The following CHST9 variants were observed in gnomAD, a reference collection of about 807,000 sequenced individuals.
The protein encoded by CHST9 is GalNAc-4-sulfotransferase 2.
A neutral mutation model predicts 44.4 loss-of-function variants in CHST9; 41 were observed. The ratio of observed to expected loss-of-function variants is 0.92; its 90% CI spans 0.72 to 1.20. The LOEUF (loss-of-function observed/expected upper bound fraction) is 1.20. Among genes scored for constraint, CHST9 ranks in the 50% most tolerant of loss-of-function variants. The pLI, the probability that CHST9 is intolerant of heterozygous loss-of-function variation, is 0.00. For synonymous variants in CHST9, 171 were observed against 178.4 expected (o/e 0.96, Z 0.33); for missense variants, 504 against 516.5 (o/e 0.98, Z 0.23).
intron 4 of CHST9, among the ~76,000 whole-genome samples, chr18:26,953,509 ATTGGTGGG>A (rs1484631953): frequency 1.3e-5 from 2 of 152,174 alleles, no homozygotes; most frequent in African/African-American, 4.8e-5. Flanking sequence ...TCTAGGAGGC[ATTGGTGGG>A]TTGCACAAAG....
chr18:26,943,042 A>G (rs1436988800), intron 5 of CHST9, among the ~76,000 whole-genome samples: 3 of 152,168 alleles, frequency 2.0e-5, no homozygotes, highest in Non-Finnish European at 4.4e-5. Flanking sequence ...TGGGAGGCGG[A>G]GGTTGCAGTG....
At chr18:26,928,592 G>T (rs1180215040) in intron 5 of CHST9, among the ~76,000 whole-genome samples, 3 of 152,206 alleles carry the variant, frequency 2.0e-5, no homozygotes, top group Non-Finnish European at 4.4e-5. Context: ...GGAAACACTG[G>T]CAGGAGAGTA....
intron 2 of CHST9, among the ~76,000 whole-genome samples, chr18:27,059,809 T>C (rs557795344): frequency 6.6e-6 from 1 of 152,240 alleles, no homozygotes; most frequent in East Asian, 1.9e-4. Flanking sequence ...CTTGAAAATA[T>C]CCTCTTCACA....
At chr18:26,940,655 G>C (rs951596223) in intron 5 of CHST9, among the ~76,000 whole-genome samples, 4 of 152,142 alleles carry the variant, frequency 2.6e-5, no homozygotes, top group South Asian at 2.1e-4. Context: ...GTCAACAGGA[G>C]ATCCCATCAG....
chr18:27,115,517 T>C (rs1477221418), intron 2 of CHST9, among the ~76,000 whole-genome samples: 2 of 152,134 alleles, frequency 1.3e-5, no homozygotes, highest in East Asian at 3.9e-4. Flanking sequence ...TTTGGCATAC[T>C]TGTTATCTTG....
intron 5 of CHST9, among the ~76,000 whole-genome samples, chr18:26,941,495 CA>C (rs1478739762): frequency 6.6e-6 from 1 of 151,508 alleles, no homozygotes; most frequent in Non-Finnish European, 1.5e-5. Flanking sequence ...ATTTCGAAAG[CA>C]TTTTTGGTAA....
At chr18:27,156,369 T>A (rs576486738) in intron 1 of CHST9, among the ~76,000 whole-genome samples, 1 of 152,172 alleles carries the variant, frequency 6.6e-6, no homozygotes, top group East Asian at 1.9e-4. Flanking sequence ...AATAAGGTAT[T>A]TTGGGTACTA....
At chr18:26,976,473 A>C (rs1395736602) in intron 4 of CHST9, among the ~76,000 whole-genome samples, 1 of 152,158 alleles carries the variant, frequency 6.6e-6, no homozygotes, top group Non-Finnish European at 1.5e-5. Context: ...CACTCAGTCC[A>C]GAGTCCTTTC....
At chr18:27,093,926 G>C (rs932599292) in intron 2 of CHST9, among the ~76,000 whole-genome samples, 3 of 150,764 alleles carry the variant, frequency 2.0e-5, no homozygotes, top group Admixed American at 6.6e-5. Context: ...AGAGATGATT[G>C]AATAATGCTA....
chr18:27,077,535 T>C (rs2057916939), intron 2 of CHST9, among the ~76,000 whole-genome samples: 1 of 152,184 alleles, frequency 6.6e-6, no homozygotes, highest in African/African-American at 2.4e-5. Context: ...AAAAAGATTC[T>C]GTTTCCTAAT....
intron 3 of CHST9, among the ~76,000 whole-genome samples, chr18:27,039,881 T>C: frequency 6.6e-6 from 1 of 152,018 alleles, no homozygotes; most frequent in East Asian, 1.9e-4. Context: ...GTAAGAAAAA[T>C]GGCCAGAGAA....
At chr18:27,102,401 T>C (rs570355608) in intron 2 of CHST9, among the ~76,000 whole-genome samples, 1 of 152,280 alleles carries the variant, frequency 6.6e-6, no homozygotes, top group East Asian at 1.9e-4. Flanking sequence ...GGGCTGTGAT[T>C]TTCCCTATTT....
intron 1 of CHST9, among the ~76,000 whole-genome samples, chr18:27,184,279 CAGAG>C (rs753831886): frequency 2.3e-4 from 35 of 152,026 alleles, no homozygotes; most frequent in Non-Finnish European, 1.3e-4. Flanking sequence ...GGGTGGACCG[CAGAG>C]AGAGAGAAAG....
chr18:27,040,633 T>C (rs2143529565), intron 3 of CHST9, among the ~76,000 whole-genome samples: 1 of 152,310 alleles, frequency 6.6e-6, no homozygotes, highest in East Asian at 1.9e-4. Flanking sequence ...GTCCTACGAA[T>C]GCTCTTATCT....
chr18:27,153,002 A>G (rs1437711638), intron 1 of CHST9, among the ~76,000 whole-genome samples: 1 of 152,190 alleles, frequency 6.6e-6, no homozygotes, highest in Non-Finnish European at 1.5e-5. Context: ...AAAGACCATG[A>G]TTGGGATCCA....
chr18:27,154,203 GATA>G (rs1381493334), intron 1 of CHST9, among the ~76,000 whole-genome samples: 1 of 151,968 alleles, frequency 6.6e-6, no homozygotes, highest in Non-Finnish European at 1.5e-5. Context: ...AGAAATAAAT[GATA>G]ATAAATATGC....
intron 5 of CHST9, among the ~76,000 whole-genome samples, chr18:26,941,888 C>A (rs1342998144): frequency 1.3e-5 from 2 of 152,166 alleles, no homozygotes; most frequent in African/African-American, 4.8e-5. Context: ...TGGATATTGG[C>A]CAGCAGGCTA....
At chr18:27,108,194 C>T (rs2143771822) in intron 2 of CHST9, among the ~76,000 whole-genome samples, 1 of 152,216 alleles carries the variant, frequency 6.6e-6, no homozygotes, top group South Asian at 2.1e-4. Flanking sequence ...CATGGTTCAC[C>T]TGCCTGTGTA....
intron 4 of CHST9, among the ~76,000 whole-genome samples, chr18:26,961,250 G>GAACAGTATGTAAGAACAGTAT (rs1598596856): frequency 6.6e-6 from 1 of 152,174 alleles, no homozygotes; most frequent in East Asian, 1.9e-4. Context: ...CTGTATGTAA[G>GAACAGTATGTAAGAACAGTAT]GCTAGAGAAC....
Sources: gnomAD v4.1 joint callset for allele counts (sites outside exome capture counted in the v4.1 genomes callset) on GRCh38, gnomAD v4.1.1 for gene constraint, MANE v1.5 for transcripts, NCBI Gene and HGNC (gene_info 2026-07-23, HGNC 2026-07-21) for gene names.